Variants in PACRG observed in about 807,000 individuals in gnomAD.
PACRG encodes the protein parkin coregulated, also known as parkin coregulated gene protein.
Under a neutral mutation model 29.7 loss-of-function variants are expected in PACRG, and 29 were observed. The ratio of observed to expected loss-of-function variants is 0.98; its 90% confidence interval spans 0.73 to 1.33. PACRG has a LOEUF of 1.33. Among genes scored for constraint, PACRG ranks in the 40% most tolerant of loss-of-function variants. PACRG has a pLI of 0.00. For synonymous variants in PACRG, 116 were observed against 118.7 expected (o/e 0.98, Z 0.15); for missense variants, 279 against 316.2 (o/e 0.88, Z 0.89).
At chr6:163,074,903 A>G (rs1299210067) in intron 3 of PACRG, among the ~76,000 whole-genome samples, 1 of 152,072 alleles carries the variant, frequency 6.6e-6, no homozygotes, top group African/African-American at 2.4e-5. Flanking sequence ...CTGAGGTGGG[A>G]GGATCGCATG....
chr6:162,741,540 A>T (rs9458641), intron 1 of PACRG, among the ~76,000 whole-genome samples: 28,140 of 152,024 alleles, frequency 0.19, 3,320 homozygotes, highest in East Asian at 0.48. Flanking sequence ...TCTTTCTTGT[A>T]GAGCCACTAA....
intron 4 of PACRG, among the ~76,000 whole-genome samples, chr6:163,266,258 C>T (rs1218541615): frequency 6.6e-6 from 1 of 151,886 alleles, no homozygotes; most frequent in Non-Finnish European, 1.5e-5. Context: ...AATCAGAAAC[C>T]GGATTTGGAT....
chr6:163,274,332 T>A (rs1373891700), intron 4 of PACRG, among the ~76,000 whole-genome samples: 1 of 152,216 alleles, frequency 6.6e-6, no homozygotes, highest in Non-Finnish European at 1.5e-5. Context: ...GTTTCCAGCT[T>A]CATCCATGTC....
At chr6:162,763,240 G>A (rs1299906654) in intron 1 of PACRG, among the ~76,000 whole-genome samples, 2 of 152,190 alleles carry the variant, frequency 1.3e-5, no homozygotes, top group Non-Finnish European at 2.9e-5. Context: ...TTATGGACCT[G>A]AGATGTTTCC....
At chr6:163,191,275 C>A (rs1780197765) in intron 4 of PACRG, among the ~76,000 whole-genome samples, 1 of 152,162 alleles carries the variant, frequency 6.6e-6, no homozygotes, top group Non-Finnish European at 1.5e-5. Flanking sequence ...CGCCACCCCC[C>A]AAACCTACTT....
At chr6:163,228,379 CAAAAAAAAAAAA>C (rs11362557) in intron 4 of PACRG, among the ~76,000 whole-genome samples, 2 of 68,166 alleles carry the variant, frequency 2.9e-5, no homozygotes. Context: ...TTTAAGCAGG[CAAAAAAAAAAAA>C]AAAAAAAAAA....
At chr6:163,187,255 G>T (rs540443623) in intron 4 of PACRG, among the ~76,000 whole-genome samples, 1 of 152,162 alleles carries the variant, frequency 6.6e-6, no homozygotes, top group East Asian at 1.9e-4. Context: ...TCCCTCCATA[G>T]ACTGATCTGT....
At chr6:163,086,147 C>T (rs973415184) in intron 3 of PACRG, among the ~76,000 whole-genome samples, 3 of 151,348 alleles carry the variant, frequency 2.0e-5, no homozygotes, top group Non-Finnish European at 4.4e-5. Context: ...ATCCTTAGAA[C>T]ATTTCTGGCC....
chr6:162,995,608 G>C (rs1231746742), intron 2 of PACRG, among the ~76,000 whole-genome samples: 1 of 152,224 alleles, frequency 6.6e-6, no homozygotes, highest in Non-Finnish European at 1.5e-5. Flanking sequence ...CTCGCGCCTG[G>C]TGCGTGCACC....
chr6:163,298,799 C>A (rs1784878955), intron 4 of PACRG, among the ~76,000 whole-genome samples: 1 of 152,226 alleles, frequency 6.6e-6, no homozygotes, highest in Non-Finnish European at 1.5e-5. Flanking sequence ...GGTAACAACG[C>A]ATTCCAACCT....
intron 2 of PACRG, among the ~76,000 whole-genome samples, chr6:163,001,105 C>A (rs1248423202): frequency 1.3e-5 from 2 of 152,204 alleles, no homozygotes. Context: ...CTCCCAAGGA[C>A]CTTGGCACAA....
At chr6:162,881,035 C>T (rs1270589978) in intron 2 of PACRG, among the ~76,000 whole-genome samples, 1 of 152,178 alleles carries the variant, frequency 6.6e-6, no homozygotes, top group Non-Finnish European at 1.5e-5. Context: ...ATGTCATTGT[C>T]CTGGTCTTGG....
intron 4 of PACRG, among the ~76,000 whole-genome samples, chr6:163,289,133 A>C (rs6916146): frequency 0.2 from 30,981 of 152,110 alleles, 3,344 homozygotes; most frequent in African/African-American, 0.24. Context: ...AATTCCGTGC[A>C]CTGATATCTA....
In PACRG at chr6:162,883,984, G is replaced by C. The variant is rs115478202; in HGVS notation, c.291+69703G>C. ...GACAGGGTCTCACTCTGTCACCCAA[G>C]CTGGAGTGTAATGTGCAATCGTAGC... On this transcript the variant is annotated intron_variant, in intron 2 of 4. Transcript: ENST00000366888. Among the ~76,000 whole-genome samples, 1,080 of 152,168 alleles carry C rather than the reference G, an allele frequency of 7.1e-3. 11 individuals are homozygous for C. The highest frequency in any genetic ancestry group is 0.025 in the African/African-American group (1,033 of 41,508).
rs190319492 is a variant in PACRG at position 163,285,233 on chromosome 6, C to G, written c.614-29594C>G. The stretch of plus-strand genomic sequence containing the variant: ...GACTCATCTCTGCTTCTGAACAGAT[C>G]CAACTCTCCCCTACCGCAGGGCCTT... On this transcript the variant is annotated intron_variant, in intron 4 of 4. Transcript: ENST00000366888. 1.4e-3 allele frequency among the ~76,000 whole-genome samples: 220 copies of G among 152,080 alleles called. 4 individuals carry two copies. The highest frequency in any genetic ancestry group is 8.0e-3 in the East Asian group (41 of 5,144).
In PACRG at chr6:162,971,151, G is replaced by T. The variant is rs750234278; in HGVS notation, c.292-90999G>T. ...GGTGAAGGCTTTTTATCTGCAAGTT[G>T]CACTTGACAAGCGTTTTAGAGAGGG... On this transcript the variant is annotated intron_variant, in intron 2 of 4. Transcript: ENST00000366888. 1.2e-4 allele frequency among the ~76,000 whole-genome samples: 18 copies of T among 152,204 alleles called. 1 individual carries two copies. The highest frequency in any genetic ancestry group is 2.4e-4 in the Non-Finnish European group (16 of 68,034).
chr6:163,229,386 C>G (rs887712088), intron 4 of PACRG, among the ~76,000 whole-genome samples: 10 of 152,178 alleles, frequency 6.6e-5, no homozygotes, highest in Admixed American at 5.2e-4. Flanking sequence ...ACCACCACCA[C>G]AACAAAAAAT....
At chr6:162,833,372 T>A (rs1788945974) in intron 2 of PACRG, among the ~76,000 whole-genome samples, 1 of 152,178 alleles carries the variant, frequency 6.6e-6, no homozygotes, top group Non-Finnish European at 1.5e-5. Flanking sequence ...AGAGAAGATA[T>A]TACCAACACT....
intron 1 of PACRG, among the ~76,000 whole-genome samples, chr6:162,752,185 T>C (rs990651220): frequency 2.0e-5 from 3 of 152,194 alleles, no homozygotes; most frequent in Non-Finnish European, 4.4e-5. Flanking sequence ...AGCAAAGCTC[T>C]ATTTTACACA....
Sources: allele counts gnomAD v4.1 joint callset (sites outside exome capture counted in the v4.1 genomes callset), GRCh38; gene constraint gnomAD v4.1.1; transcripts MANE v1.5; gene names NCBI Gene and HGNC (gene_info 2026-07-23, HGNC 2026-07-21).